Variants in ADSS1 observed in about 807,000 individuals in gnomAD.
The protein encoded by ADSS1 is adenylosuccinate synthetase isozyme 1.
Under a neutral mutation model 59.1 loss-of-function variants are expected in ADSS1, and 57 were observed. The observed-to-expected ratio is 0.97, with a 90% CI of 0.78 to 1.20. ADSS1 has a LOEUF of 1.20. ADSS1 is among the 50% of genes most tolerant of loss of function. The pLI, the probability that ADSS1 is intolerant of heterozygous loss-of-function variation, is 0.00. For missense variants in ADSS1, 603 were observed against 610.3 expected, an observed-to-expected ratio of 0.99 and a Z score of 0.13; for synonymous variants, 247 against 249.4, an observed-to-expected ratio of 0.99 and a Z score of 0.09.
chr14:104,746,893 CT>C, intron 12 of ADSS1, 57 bp from the exon 13 acceptor site: 1 of 1,583,992 alleles, frequency 6.3e-7, no homozygotes, highest in Non-Finnish European at 8.7e-7. Flanking sequence ...CTAAAGACAA[CT>C]TTTTCTGAAC....
chr14:104,736,126 T>C (rs964045751), intron 2 of ADSS1, among the ~76,000 whole-genome samples: 2 of 152,296 alleles, frequency 1.3e-5, no homozygotes, highest in African/African-American at 4.8e-5. Context: ...CTGGAGTGAC[T>C]CACCCAAGAC....
chr14:104,743,286 C>T, intron 10 of ADSS1, 95 bp downstream of exon 10: 1 of 1,536,126 alleles, frequency 6.5e-7, no homozygotes, highest in Non-Finnish European at 8.8e-7. Context: ...TGAGGGCCAC[C>T]AAGTCTCCTT....
chr14:104,738,555 A>C (rs1891210884), intron 3 of ADSS1, 117 bp downstream of exon 3: 1 of 1,186,890 alleles, frequency 8.4e-7, no homozygotes, highest in Non-Finnish European at 1.2e-6. Flanking sequence ...GTGGGTTCCC[A>C]ACATAGCTGG....
At chr14:104,731,231 G>A (rs989060298) in intron 1 of ADSS1, among the ~76,000 whole-genome samples, 2 of 152,166 alleles carry the variant, frequency 1.3e-5, no homozygotes, top group Non-Finnish European at 2.9e-5. Flanking sequence ...AGAGTTGGGC[G>A]CTTACCTTAA....
intron 2 of ADSS1, among the ~76,000 whole-genome samples, chr14:104,736,860 C>T (rs1425406284): frequency 1.4e-5 from 2 of 140,186 alleles, no homozygotes; most frequent in Admixed American, 1.4e-4. Context: ...GGACTACAGG[C>T]TTATGCCACC....
intron 5 of ADSS1, 123 bp downstream of exon 5, chr14:104,739,939 G>A: frequency 9.6e-7 from 1 of 1,047,006 alleles, no homozygotes; most frequent in Non-Finnish European, 1.4e-6. Flanking sequence ...AAAGCCCCTG[G>A]AGAATGGCAC....
At chr14:104,730,031 C>G (rs150966795) in intron 1 of ADSS1, 2 of 1,584,610 alleles carry the variant, frequency 1.3e-6, no homozygotes, top group Non-Finnish European at 1.7e-6. Flanking sequence ...TCTCCAGTTA[C>G]TGAGTGGCCA....
At chr14:104,729,739 C>G (rs113325667) in intron 1 of ADSS1, 1 of 221,026 alleles carries the variant, frequency 4.5e-6, no homozygotes, top group Non-Finnish European at 6.8e-6. Flanking sequence ...GCGTCGGCGT[C>G]GTGGGGAGGA....
At chr14:104,741,799 A>G (rs751537137) in intron 8 of ADSS1, 49 bp from the exon 9 acceptor site, 1 of 1,601,600 alleles carries the variant, frequency 6.2e-7, no homozygotes, top group South Asian at 1.1e-5. Flanking sequence ...CGGGTGGAAT[A>G]ATCTACAGGG....
chr14:104,739,149 G>A (rs1347270707), intron 3 of ADSS1, among the ~76,000 whole-genome samples, 179 bp from the exon 4 acceptor site: 1 of 150,654 alleles, frequency 6.6e-6, no homozygotes, highest in Non-Finnish European at 1.5e-5. Context: ...CTCAGCTGGG[G>A]AGGAGACAAC....
At chr14:104,729,929 C>T in intron 1 of ADSS1, 4 of 1,554,710 alleles carry the variant, frequency 2.6e-6, no homozygotes, top group Non-Finnish European at 3.5e-6. Flanking sequence ...AACCCAGAGG[C>T]AAGGAGGTGG....
intron 1 of ADSS1, among the ~76,000 whole-genome samples, chr14:104,729,203 G>A (rs1890808244): frequency 6.6e-6 from 1 of 152,290 alleles, no homozygotes; most frequent in Admixed American, 6.5e-5. Flanking sequence ...GGGCAGAGAA[G>A]GGCAGTGGCA....
chr14:104,742,842 C>T (rs1236833661), intron 9 of ADSS1, among the ~76,000 whole-genome samples: 1 of 152,144 alleles, frequency 6.6e-6, no homozygotes, highest in Non-Finnish European at 1.5e-5. Context: ...CTCGCCGGCT[C>T]GGGTGGCATT....
intron 12 of ADSS1, 89 bp from the exon 13 acceptor site, chr14:104,746,862 A>C: frequency 7.4e-7 from 1 of 1,358,456 alleles, no homozygotes; most frequent in Non-Finnish European, 1.0e-6. Context: ...TACCATTTGA[A>C]CTACACAGAA....
chr14:104,744,731 C>T lies in ADSS1; in HGVS notation c.1074-81C>T, dbSNP rs891415264. On this transcript the variant is annotated intron_variant, in intron 10 of 12. Transcript: ENST00000330877. ...GGACCCCTGCTGTAAGTAACAGAAGCGAGAGGTCAAAAGCAAGCGGAAGAA... is the reference window on the plus strand; with the variant it reads ...GGACCCCTGCTGTAAGTAACAGAAGTGAGAGGTCAAAAGCAAGCGGAAGAA... 3.5e-5 allele frequency: 48 copies of T among 1,357,444 alleles called. No homozygotes were observed. The African/African-American group carries it at 5.0e-4, about 14-fold the overall frequency. 84.1% of individuals were successfully genotyped at this position (1,357,444 alleles called of 1,614,324 possible).
rs986108741 is a variant in ADSS1 at position 104,730,211 on chromosome 14, C to T, written c.193-4809C>T. 10 of 1,506,580 alleles carry T rather than the reference C, an allele frequency of 6.6e-6. No individual in the cohort carries two copies. The highest frequency in any genetic ancestry group is 8.9e-6 in the Non-Finnish European group (10 of 1,119,382). 93.3% of individuals were successfully genotyped at this position (1,506,580 alleles called of 1,614,324 possible). Reference sequence around the variant, plus strand: ...CGGATCCTTAACACCTGGAGGGGAGCGGGTGGGTGCGGTGGCGTACATCTG... The same window carrying T: ...CGGATCCTTAACACCTGGAGGGGAGTGGGTGGGTGCGGTGGCGTACATCTG... On this transcript the variant is annotated intron_variant, in intron 1 of 12. Coordinates refer to ENST00000330877, the MANE Select transcript of ADSS1 (RefSeq NM_152328.5).
At chr14:104,741,811 G>A (rs201545877) in intron 8 of ADSS1, 37 bp from the exon 9 acceptor site, 8 of 1,609,350 alleles carry the variant, frequency 5.0e-6, no homozygotes, top group African/African-American at 2.7e-5. Flanking sequence ...TCTACAGGGG[G>A]TGACAGGTAG....
At chr14:104,727,140 G>T (rs1393664673) in intron 1 of ADSS1, among the ~76,000 whole-genome samples, 1 of 152,178 alleles carries the variant, frequency 6.6e-6, no homozygotes, top group Non-Finnish European at 1.5e-5. Context: ...GCCCCGCACG[G>T]CTCGCCTCAT....
At chr14:104,735,147 T>C in intron 2 of ADSS1, 25 bp downstream of exon 2, 1 of 1,575,868 alleles carries the variant, frequency 6.3e-7, no homozygotes, top group Non-Finnish European at 8.7e-7. Context: ...CCGACCTGTG[T>C]GTGAGCAGGA....
Sources: gnomAD v4.1 joint callset for allele counts (sites outside exome capture counted in the v4.1 genomes callset) on GRCh38, gnomAD v4.1.1 for gene constraint, MANE v1.5 for transcripts, NCBI Gene and HGNC (gene_info 2026-07-23, HGNC 2026-07-21) for gene names.